The following ADAMTS20 variants were observed in gnomAD, a reference collection of about 807,000 sequenced individuals.
ADAMTS20 encodes the protein ADAM metallopeptidase with thrombospondin type 1 motif 20, also known as A disintegrin and metalloproteinase with thrombospondin motifs 20.
ADAMTS20 carries 225 observed loss-of-function variants against 260.1 expected under a neutral mutation model. The ratio of observed to expected loss-of-function variants is 0.87; its 90% CI spans 0.78 to 0.97. The LOEUF is 0.97. ADAMTS20 is among the 50% of genes least tolerant of loss of function. The pLI, the probability that ADAMTS20 is intolerant of heterozygous loss-of-function variation, is 0.00. For synonymous variants in ADAMTS20, 802 were observed against 769.5 expected, an observed-to-expected ratio of 1.04 and a Z score of -0.70; for missense variants, 2,400 against 2,337.7, an observed-to-expected ratio of 1.03 and a Z score of -0.55.
intron 7 of ADAMTS20, among the ~76,000 whole-genome samples, chr12:43,486,430 A>G (rs1290701704): frequency 6.6e-6 from 1 of 152,204 alleles, no homozygotes; most frequent in Non-Finnish European, 1.5e-5. Context: ...AATCAACTCA[A>G]GATGGATTAA....
chr12:43,438,308 T>C (rs1941595906), intron 18 of ADAMTS20, among the ~76,000 whole-genome samples: 1 of 152,178 alleles, frequency 6.6e-6, no homozygotes, highest in Non-Finnish European at 1.5e-5. Context: ...ATATCCACGG[T>C]CACAGATGAG....
chr12:43,550,421 C>T (rs1295893381), intron 2 of ADAMTS20, among the ~76,000 whole-genome samples: 4 of 152,200 alleles, frequency 2.6e-5, no homozygotes, highest in Non-Finnish European at 2.9e-5. Context: ...CCCATACCAT[C>T]AACAAAATGA....
In ADAMTS20 at chr12:43,416,054, T is replaced by C. The variant is rs544871642; in HGVS notation, c.4284+9460A>G. Among the ~76,000 whole-genome samples the C allele has an allele frequency of 5.9e-4, 90 of 152,278 alleles. 1 individual carries two copies. In the South Asian group the frequency reaches 0.011, roughly 18 times the overall value. ...ACTTTATTCTGTTCAGATGTTGTCT[T>C]ATACCTCTTTTACTCCCACCTTCAG... On this transcript the variant is annotated intron_variant, in intron 28 of 38. Transcript: ENST00000389420.
chr12:43,459,150 G>A (rs572412597), intron 11 of ADAMTS20, among the ~76,000 whole-genome samples: 4 of 152,184 alleles, frequency 2.6e-5, no homozygotes, highest in Non-Finnish European at 4.4e-5. Flanking sequence ...TACAGCTGGA[G>A]CTGAGCTTTC....
intron 2 of ADAMTS20, among the ~76,000 whole-genome samples, chr12:43,532,785 ATGAG>A (rs1162786311): frequency 3.3e-5 from 2 of 60,444 alleles, no homozygotes; most frequent in African/African-American, 1.3e-4. Flanking sequence ...ATTCCCACCT[ATGAG>A]TGAGAATATG....
intron 37 of ADAMTS20, among the ~76,000 whole-genome samples, chr12:43,365,944 G>C (rs1008593405): frequency 4.6e-5 from 7 of 151,720 alleles, no homozygotes; most frequent in African/African-American, 1.7e-4. Context: ...AACATTCACT[G>C]AATAAAAAGA....
In ADAMTS20 at chr12:43,425,498, A is replaced by G; in HGVS notation, c.4284+16T>C. The G allele has an allele frequency of 6.9e-7, 1 of 1,452,046 alleles. No individual in the cohort carries two copies. Among genetic ancestry groups the G allele is most frequent in the Non-Finnish European group, 9.2e-7 (1 of 1,088,940 alleles). The allele number at this position is 1,452,046 out of a possible 1,614,324, so 89.9% of individuals were successfully genotyped here. ...TTTAAAGTATGACATGTTAACAGACAAGAGTGCTATCATACCGATGTCCAT... is the reference window on the plus strand; with the variant it reads ...TTTAAAGTATGACATGTTAACAGACGAGAGTGCTATCATACCGATGTCCAT... On this transcript the variant is annotated intron_variant, in intron 28 of 38. Coordinates refer to ENST00000389420, the MANE Select transcript of ADAMTS20 (RefSeq NM_025003.5).
intron 31 of ADAMTS20, 131 bp from the exon 32 acceptor site, chr12:43,377,693 G>A: frequency 1.3e-6 from 1 of 748,500 alleles, no homozygotes; most frequent in Non-Finnish European, 2.0e-6. Context: ...TTCATTTACA[G>A]ATGAGCAAAC....
Position 43,452,273 on chromosome 12 carries a change from C to A in ADAMTS20, c.2079+1G>T. The A allele has an allele frequency of 6.2e-7, 1 of 1,603,086 alleles. No individual in the cohort carries two copies. The highest frequency in any genetic ancestry group is 8.5e-7 in the Non-Finnish European group (1 of 1,176,702). On this transcript the variant is annotated splice_donor_variant, in intron 14 of 38. Transcript: ENST00000389420. LOFTEE classifies it high-confidence loss of function. ...CTAATAGAAACTTATAGTTTACTTA[C>A]CATACACTGGCCTTGAACACAGATG...
chr12:43,446,482 C>G lies in ADAMTS20; in HGVS notation c.2197+113G>C, dbSNP rs1198835159. 15 of 712,840 alleles carry G rather than the reference C, an allele frequency of 2.1e-5. No homozygotes were observed. In the East Asian group the frequency reaches 3.9e-4, roughly 18 times the overall value. The allele number at this position is 712,840 out of a possible 1,614,324, so 44.2% of individuals were successfully genotyped here. On this transcript the variant is annotated intron_variant, in intron 15 of 38. Coordinates refer to ENST00000389420, the MANE Select transcript of ADAMTS20 (RefSeq NM_025003.5). ...ATTTTTCCTTAACAATCATTTTGGA[C>G]TAAGGGTATAGAGTAGACAAAACAG...
chr12:43,492,120 C>T (rs1366485919), intron 6 of ADAMTS20, among the ~76,000 whole-genome samples: 1 of 152,166 alleles, frequency 6.6e-6, no homozygotes, highest in Non-Finnish European at 1.5e-5. Flanking sequence ...GTGGCTCACG[C>T]CTGTAATCCC....
chr12:43,386,469 T>A (rs765251818), intron 29 of ADAMTS20, among the ~76,000 whole-genome samples: 1 of 152,110 alleles, frequency 6.6e-6, no homozygotes, highest in Non-Finnish European at 1.5e-5. Flanking sequence ...TGTCTTGGGG[T>A]TGCTTTTCTC....
At chr12:43,534,855 A>C (rs1291224089) in intron 2 of ADAMTS20, among the ~76,000 whole-genome samples, 1 of 152,190 alleles carries the variant, frequency 6.6e-6, no homozygotes, top group Non-Finnish European at 1.5e-5. Context: ...TGCCGATAGA[A>C]GTGGGTGAAA....
chr12:43,415,676 G>A (rs2137279048), intron 28 of ADAMTS20, among the ~76,000 whole-genome samples: 1 of 152,098 alleles, frequency 6.6e-6, no homozygotes, highest in East Asian at 1.9e-4. Flanking sequence ...ACTTGGCAAA[G>A]GTCACTGAAT....
chr12:43,364,308 C>T (rs550635438), intron 37 of ADAMTS20, among the ~76,000 whole-genome samples: 9 of 151,970 alleles, frequency 5.9e-5, no homozygotes. Context: ...CAGTTTTCAA[C>T]AAAATTTATG....
In ADAMTS20 at chr12:43,452,353, T is replaced by C. The variant is rs769253702; in HGVS notation, c.2000A>G (p.Tyr667Cys). Residue 667 changes from tyrosine to cysteine, a missense_variant, in exon 14 of 39, where the codon TAC becomes TGC. Coordinates refer to ENST00000389420, the MANE Select transcript of ADAMTS20 (RefSeq NM_025003.5). ...ATCTTCAACCATATCCTTCAATAGG[T>C]AGAAATAATTGGTTCCAGCAACCTG... ...YCQVAGTNYF[Y>C]LLKDMVEDGT... The C allele has an allele frequency of 6.2e-7, 1 of 1,613,340 alleles. No individual in the cohort carries two copies. The highest frequency in any genetic ancestry group is 1.1e-5 in the South Asian group (1 of 91,030).
In ADAMTS20 at chr12:43,434,284, G is replaced by T. The variant is rs1941506129; in HGVS notation, c.2681C>A (p.Ser894Ter). ...DKECDHLPLP[S>*]FVTQSCNTDC... is the part of the protein sequence containing the mutation. ...TGTATTGCAACTTTGAGTAACAAAT[G>T]ATGGAAGTGGCAAGTGGTCACATTC... The change falls in exon 19 of 39, where the codon TCA becomes TAA. Residue 894 changes from serine (S) to a stop codon, truncating the protein, a stop_gained. Transcript: ENST00000389420. LOFTEE classifies it high-confidence loss of function. 1.9e-6 allele frequency: 3 copies of T among 1,590,176 alleles called. No individual in the cohort carries two copies. Among genetic ancestry groups the T allele is most frequent in the African/African-American group, 2.7e-5 (2 of 74,616 alleles).
At chr12:43,541,223 T>C (rs1307961790) in intron 2 of ADAMTS20, among the ~76,000 whole-genome samples, 1 of 152,166 alleles carries the variant, frequency 6.6e-6, no homozygotes, top group East Asian at 1.9e-4. Context: ...ATAAATCATA[T>C]CATAAGAATC....
intron 2 of ADAMTS20, 113 bp downstream of exon 2, chr12:43,550,796 C>T (rs1402791153): frequency 4.3e-6 from 6 of 1,404,098 alleles, no homozygotes; most frequent in Non-Finnish European, 5.6e-6. Context: ...TCTTGTAGCC[C>T]AACCTGAACT....
Sources: allele counts gnomAD v4.1 joint callset (sites outside exome capture counted in the v4.1 genomes callset), GRCh38; gene constraint gnomAD v4.1.1; transcripts MANE v1.5; gene names NCBI Gene and HGNC (gene_info 2026-07-23, HGNC 2026-07-21).